The following AFF2 variants were observed in gnomAD, a reference collection of about 807,000 sequenced individuals.
AFF2 encodes the protein AF4/FMR2 family member 2.
Under a neutral mutation model 76.9 loss-of-function variants are expected in AFF2, and 14 were observed. The observed-to-expected ratio is 0.18, with a 90% CI of 0.12 to 0.28. AFF2 has a LOEUF of 0.28. AFF2 is among the 10% of genes least tolerant of loss of function. AFF2 has a pLI of 1.00. For synonymous variants in AFF2, 398 were observed against 366.7 expected (o/e 1.09, Z -0.98); for missense variants, 868 against 1,001.1 (o/e 0.87, Z 1.79).
chrX:148,714,776 T>G (rs924942491), intron 3 of AFF2, among the ~76,000 whole-genome samples: 2 of 111,808 alleles, frequency 1.8e-5, no homozygotes, highest in African/African-American at 6.5e-5. Context: ...CCTAGCCAGA[T>G]TGACACATCA....
intron 1 of AFF2, among the ~76,000 whole-genome samples, chrX:148,555,884 C>T (rs1557239599): frequency 8.9e-6 from 1 of 112,451 alleles, no homozygotes; most frequent in Admixed American, 9.4e-5. Flanking sequence ...TAAATGAGTT[C>T]CTTCCAAAAG....
At chrX:148,858,191 C>T (rs1448878093) in intron 7 of AFF2, among the ~76,000 whole-genome samples, 2 of 111,348 alleles carry the variant, frequency 1.8e-5, no homozygotes, top group East Asian at 5.7e-4. Flanking sequence ...GTGGATGAAT[C>T]ATGTCAGTCT....
chrX:148,851,228 G>A (rs141196022), intron 7 of AFF2, among the ~76,000 whole-genome samples: 61 of 111,798 alleles, frequency 5.5e-4, no homozygotes, highest in African/African-American at 1.9e-3. Context: ...AGCAGTGTTG[G>A]TAGAATACTG....
At chrX:148,976,320 A>C (rs1262830396) in intron 16 of AFF2, among the ~76,000 whole-genome samples, 2 of 112,414 alleles carry the variant, frequency 1.8e-5, no homozygotes, top group East Asian at 5.6e-4. Context: ...GAACATTGAC[A>C]TTGAAACACT....
At chrX:148,946,600 A>T (rs1370577240) in intron 9 of AFF2, among the ~76,000 whole-genome samples, 6 of 112,839 alleles carry the variant, frequency 5.3e-5, no homozygotes, top group Non-Finnish European at 9.4e-5. Context: ...GTTCTAAGGA[A>T]CAAACTGTTT....
chrX:148,861,295 A>G (rs1287852378), intron 7 of AFF2, among the ~76,000 whole-genome samples: 1 of 112,177 alleles, frequency 8.9e-6, no homozygotes, highest in Non-Finnish European at 1.9e-5. Context: ...AAATCAGAGG[A>G]AAAGAAAATA....
chrX:148,677,197 T>A (rs2054495674), intron 3 of AFF2, among the ~76,000 whole-genome samples: 1 of 110,748 alleles, frequency 9.0e-6, no homozygotes, highest in South Asian at 3.9e-4. Flanking sequence ...ATTTCTAGCT[T>A]GGGCAAGCAG....
rs782073672 is a variant in AFF2, at chrX:148,753,006, C to T, written c.1042-56870C>T. 2.7e-5 allele frequency among the ~76,000 whole-genome samples: 3 copies of T among 111,300 alleles called. No individual in the cohort carries two copies. The South Asian group carries it at 1.1e-3, about 43-fold the overall frequency. ...TCCTCCCTTCCCAGGACACATCATG[C>T]CCCTTTGCATAAATATGGAGGGTGA... On this transcript the variant is annotated intron_variant, in intron 3 of 20. Coordinates refer to ENST00000370460, the MANE Select transcript of AFF2 (RefSeq NM_002025.4).
chrX:148,971,747 C>CTTTTTTTTTTTTTTTTTA (rs2072257080), intron 15 of AFF2, among the ~76,000 whole-genome samples: 9 of 44,717 alleles, frequency 2.0e-4, no homozygotes, highest in African/African-American at 3.8e-4. Flanking sequence ...TTTTCTATTT[C>CTTTTTTTTTTTTTTTTTA]TTTTTTTTTT....
intron 3 of AFF2, among the ~76,000 whole-genome samples, chrX:148,707,183 G>C (rs1188528715): frequency 1.8e-5 from 2 of 111,970 alleles, no homozygotes; most frequent in Non-Finnish European, 3.8e-5. Context: ...AATATACAGA[G>C]ACACCATCTA....
intron 3 of AFF2, among the ~76,000 whole-genome samples, chrX:148,725,985 G>A (rs1311400004): frequency 8.9e-6 from 1 of 111,818 alleles, no homozygotes; most frequent in African/African-American, 3.3e-5. Flanking sequence ...TGTGGCGATT[G>A]TTTAGGGGTT....
At chrX:148,919,542 TATATATAA>T (rs2071569429) in intron 9 of AFF2, among the ~76,000 whole-genome samples, 1 of 109,589 alleles carries the variant, frequency 9.1e-6, no homozygotes, top group Non-Finnish European at 1.9e-5. Flanking sequence ...TTTTTACATA[TATATATAA>T]ATATATAATT....
intron 4 of AFF2, among the ~76,000 whole-genome samples, chrX:148,830,048 C>T (rs1404397700): frequency 8.9e-6 from 1 of 112,259 alleles, no homozygotes; most frequent in African/African-American, 3.2e-5. Context: ...GCTTTCCAAG[C>T]TCTTACCATT....
At chrX:148,932,543 C>G (rs1603342541) in intron 9 of AFF2, among the ~76,000 whole-genome samples, 1 of 111,654 alleles carries the variant, frequency 9.0e-6, no homozygotes, top group East Asian at 2.8e-4. Flanking sequence ...ATTAAGAAGC[C>G]TTTCTTGCCC....
chrX:148,694,368 A>T (rs1603278760), intron 3 of AFF2, among the ~76,000 whole-genome samples: 1 of 112,016 alleles, frequency 8.9e-6, no homozygotes, highest in African/African-American at 3.3e-5. Flanking sequence ...CCAATTGGCT[A>T]GGACCAACTT....
chrX:148,777,961 C>T (rs1296745678), intron 3 of AFF2, among the ~76,000 whole-genome samples: 2 of 112,064 alleles, frequency 1.8e-5, no homozygotes, highest in African/African-American at 6.5e-5. Flanking sequence ...CAGCTTTTGC[C>T]CATTCAGTAT....
At chrX:148,735,263 G>C (rs2055271827) in intron 3 of AFF2, among the ~76,000 whole-genome samples, 1 of 112,351 alleles carries the variant, frequency 8.9e-6, no homozygotes, top group Admixed American at 9.4e-5. Context: ...GAGAGTCTGT[G>C]TATATTTATG....
chrX:148,569,498 AT>A (rs1741990892), intron 1 of AFF2, among the ~76,000 whole-genome samples: 1 of 111,868 alleles, frequency 8.9e-6, no homozygotes, highest in African/African-American at 3.2e-5. Flanking sequence ...AATATGCCAT[AT>A]TTTCTAGACA....
Position 149,000,450 on chromosome X carries a change from G to A in AFF2, c.*9118G>A, listed in dbSNP as rs1268248517. On this transcript the variant is annotated 3_prime_UTR_variant, in exon 21 of 21. Transcript: ENST00000370460. Reference sequence around the variant, plus strand: ...CTGTGTGGCTTTGCATTTCAAATGTGTGGCGCACAAGCGTTTTGTTGGTGC... The same window carrying A: ...CTGTGTGGCTTTGCATTTCAAATGTATGGCGCACAAGCGTTTTGTTGGTGC... 1.8e-5 allele frequency: 2 copies of A among 112,821 alleles called. No homozygotes were observed. Among genetic ancestry groups the A allele is most frequent in the Non-Finnish European group, 3.7e-5 (2 of 53,341 alleles). 9.3% of individuals were successfully genotyped at this position (112,821 alleles called of 1,213,427 possible).
Sources: gnomAD v4.1 joint callset for allele counts (sites outside exome capture counted in the v4.1 genomes callset) on GRCh38, gnomAD v4.1.1 for gene constraint, MANE v1.5 for transcripts, NCBI Gene and HGNC (gene_info 2026-07-23, HGNC 2026-07-21) for gene names.